The following MOCS2 variants were observed in gnomAD, a reference collection of about 807,000 sequenced individuals.
MOCS2 encodes the protein molybdenum cofactor synthesis 2.
In MOCS2, 13 loss-of-function variants were observed where a neutral mutation model predicts 21.9. The observed-to-expected ratio is 0.59, with a 90% CI of 0.39 to 0.94. The LOEUF (loss-of-function observed/expected upper bound fraction) is 0.94, where lower values mean the gene tolerates loss of function less well. Ranked by LOEUF, MOCS2 falls within the 40% of genes least tolerant of loss-of-function variation. The pLI, the probability that MOCS2 is intolerant of heterozygous loss-of-function variation, is 0.00. For synonymous variants in MOCS2, 92 were observed against 80.8 expected, an observed-to-expected ratio of 1.14 and a Z score of -0.74; for missense variants, 227 against 218.3, an observed-to-expected ratio of 1.04 and a Z score of -0.25.
Position 53,100,552 on chromosome 5 carries a change from G to C in MOCS2, c.378-18C>G. The C allele has an allele frequency of 6.2e-7, 1 of 1,600,432 alleles. No individual in the cohort carries two copies. The highest frequency in any genetic ancestry group is 8.5e-7 in the Non-Finnish European group (1 of 1,172,990). On this transcript the variant is annotated intron_variant, in intron 5 of 6. Coordinates refer to ENST00000396954, the MANE Select transcript of MOCS2 (RefSeq NM_004531.5). ...GAACCAAGCTTTAACAAGATGAAGAGAAAAAAAAATCACCATCATCTCTGA... is the reference window on the plus strand; with the variant it reads ...GAACCAAGCTTTAACAAGATGAAGACAAAAAAAAATCACCATCATCTCTGA...
intron 3 of MOCS2, among the ~76,000 whole-genome samples, chr5:53,105,991 A>C (rs1741038596): frequency 6.6e-6 from 1 of 152,196 alleles, no homozygotes. Flanking sequence ...ATCACTGATT[A>C]TTAGAGAAAT....
In MOCS2 at chr5:53,096,365, G is replaced by C. The variant is rs986753251; in HGVS notation, c.*2237C>G. 5 of 152,098 alleles carry C rather than the reference G, an allele frequency of 3.3e-5. No homozygotes were observed. Among genetic ancestry groups the C allele is most frequent in the African/African-American group, 4.8e-5 (2 of 41,424 alleles). The allele number at this position is 152,098 out of a possible 1,614,324, so 9.4% of individuals were successfully genotyped here. ...AAAAATCAATTTCATTTTACCACCTGTTCAAAAATACTTGAAACATAAATA... is the reference window on the plus strand; with the variant it reads ...AAAAATCAATTTCATTTTACCACCTCTTCAAAAATACTTGAAACATAAATA... On this transcript the variant is annotated 3_prime_UTR_variant, in exon 7 of 7. Transcript: ENST00000396954.
At chr5:53,101,727 A>T (rs778874182) in intron 4 of MOCS2, among the ~76,000 whole-genome samples, 3 of 152,226 alleles carry the variant, frequency 2.0e-5, no homozygotes, top group Non-Finnish European at 4.4e-5. Context: ...TGATTAAGCA[A>T]GCTTACTAAA....
At chr5:53,101,765 T>C (rs77923211) in intron 4 of MOCS2, among the ~76,000 whole-genome samples, 2,120 of 152,276 alleles carry the variant, frequency 0.014, 63 homozygotes, top group African/African-American at 0.049. Flanking sequence ...CCGGGCAATA[T>C]TCCTCTTCTG....
chr5:53,107,495 G>C (rs1579936638), intron 2 of MOCS2: 1 of 420,820 alleles, frequency 2.4e-6, no homozygotes, highest in African/African-American at 2.0e-5. Flanking sequence ...AAACCCACCA[G>C]ACTGGAGGCA....
intron 3 of MOCS2, among the ~76,000 whole-genome samples, chr5:53,105,738 TA>T (rs1741032296): frequency 6.6e-6 from 1 of 152,184 alleles, no homozygotes; most frequent in Admixed American, 6.5e-5. Flanking sequence ...GGGATCTAAT[TA>T]AACTAAAGAG....
At chr5:53,107,330 G>T in intron 2 of MOCS2, 109 bp from the exon 3 acceptor site, 3 of 1,029,336 alleles carry the variant, frequency 2.9e-6, no homozygotes, top group Non-Finnish European at 4.3e-6. Context: ...AGCATCACCT[G>T]CAAAATTACC....
Position 53,098,091 on chromosome 5 carries a change from GTTTA to G in MOCS2, c.*507_*510del, listed in dbSNP as rs1740795700. 1 of 152,348 alleles carries G rather than the reference GTTTA, an allele frequency of 6.6e-6. No individual in the cohort carries two copies. Among genetic ancestry groups the G allele is most frequent in the Non-Finnish European group, 1.5e-5 (1 of 68,208 alleles). 9.4% of individuals were successfully genotyped at this position (152,348 alleles called of 1,614,324 possible). Reference sequence around the variant, plus strand: ...TAAACTTTTGAAATCATGGGTTTTAGTTTATTATTTTTAATATATTTCTGAAAAT... The same window carrying G: ...TAAACTTTTGAAATCATGGGTTTTAGTTATTTTTAATATATTTCTGAAAAT... On this transcript the variant is annotated 3_prime_UTR_variant, in exon 7 of 7. Transcript: ENST00000396954.
In MOCS2 at chr5:53,109,627, G is replaced by T; in HGVS notation, c.-546C>A. The T allele has an allele frequency of 6.5e-7, 1 of 1,539,386 alleles. No homozygotes were observed. Among genetic ancestry groups the T allele is most frequent in the East Asian group, 2.5e-5 (1 of 40,408 alleles). ...TAGTGGGGAGGTCCGACTGACCAAG[G>T]CTGGGTATGTGGAGGGAAAGGGCGG... On this transcript the variant is annotated 5_prime_UTR_variant, in exon 1 of 7. Coordinates refer to ENST00000396954, the MANE Select transcript of MOCS2 (RefSeq NM_004531.5).
chr5:53,103,623 C>A (rs1304832423), intron 3 of MOCS2, among the ~76,000 whole-genome samples: 1 of 152,170 alleles, frequency 6.6e-6, no homozygotes, highest in Non-Finnish European at 1.5e-5. Context: ...TAGGGCCAGG[C>A]ACTAGATATC....
At chr5:53,102,578 T>C (rs922468743) in intron 3 of MOCS2, among the ~76,000 whole-genome samples, 12 of 140,870 alleles carry the variant, frequency 8.5e-5, no homozygotes, top group African/African-American at 3.1e-4. Context: ...TGTTGAACTA[T>C]AGGGTGGGTA....
chr5:53,109,699 C>T lies in MOCS2; in HGVS notation c.-618G>A, dbSNP rs1455009607. The T allele has an allele frequency of 3.2e-6, 5 of 1,553,160 alleles. No homozygotes were observed. Among genetic ancestry groups the T allele is most frequent in the African/African-American group, 1.4e-5 (1 of 73,060 alleles). On this transcript the variant is annotated 5_prime_UTR_variant, in exon 1 of 7. Coordinates refer to ENST00000396954, the MANE Select transcript of MOCS2 (RefSeq NM_004531.5). ...TCCGCACCCAGGCCCGCACGCACAC[C>T]CGCCACCCTTACCTGGCACAGCGGC...
At chr5:53,105,597 T>C (rs899375368) in intron 3 of MOCS2, among the ~76,000 whole-genome samples, 3 of 152,100 alleles carry the variant, frequency 2.0e-5, no homozygotes, top group African/African-American at 4.8e-5. Context: ...AAGACTTAAA[T>C]GTAAAACCAA....
intron 2 of MOCS2, 166 bp from the exon 3 acceptor site, chr5:53,107,387 G>A: frequency 1.6e-6 from 1 of 641,762 alleles, no homozygotes; most frequent in Non-Finnish European, 2.7e-6. Context: ...ATCCACTGAA[G>A]AACATACTTA....
rs1473536377 is a variant in MOCS2 at position 53,097,468 on chromosome 5, T to A, written c.*1134A>T. ...ATTTGTCCCAGACATAAGAAAAAAA[T>A]CCTTCAATCTAAGTGTCTGAAAGTA... On this transcript the variant is annotated 3_prime_UTR_variant, in exon 7 of 7. Transcript: ENST00000396954. 6.6e-6 allele frequency: 1 copy of A among 152,152 alleles called. No homozygotes were observed. The highest frequency in any genetic ancestry group is 6.5e-5 in the Admixed American group (1 of 15,274). 9.4% of individuals were successfully genotyped at this position (152,152 alleles called of 1,614,324 possible).
intron 6 of MOCS2, among the ~76,000 whole-genome samples, chr5:53,100,001 T>A (rs1032438876): frequency 4.1e-5 from 5 of 122,210 alleles, no homozygotes; most frequent in East Asian, 2.0e-4. Flanking sequence ...TATCTCACCA[T>A]TTTTTTTTCT....
chr5:53,103,918 G>A (rs1740983943), intron 3 of MOCS2, among the ~76,000 whole-genome samples: 1 of 152,250 alleles, frequency 6.6e-6, no homozygotes, highest in Non-Finnish European at 1.5e-5. Flanking sequence ...ACAAGAAAGG[G>A]TGTGATGTGC....
chr5:53,097,436 G>A lies in MOCS2; in HGVS notation c.*1166C>T, dbSNP rs1034459593. The A allele has an allele frequency of 6.6e-6, 1 of 152,132 alleles. No individual in the cohort carries two copies. The highest frequency in any genetic ancestry group is 2.4e-5 in the African/African-American group (1 of 41,432). The allele number at this position is 152,132 out of a possible 1,614,324, so 9.4% of individuals were successfully genotyped here. A position where few individuals can be genotyped will look rare whatever the true frequency, so the allele number is the denominator to read the frequency against. On this transcript the variant is annotated 3_prime_UTR_variant, in exon 7 of 7. Coordinates refer to ENST00000396954, the MANE Select transcript of MOCS2 (RefSeq NM_004531.5). Reference sequence around the variant, plus strand: ...TACATATAACAAATAGGATTACTACGTTTCTTATTTGTCCCAGACATAAGA... The same window carrying A: ...TACATATAACAAATAGGATTACTACATTTCTTATTTGTCCCAGACATAAGA...
intron 6 of MOCS2, among the ~76,000 whole-genome samples, chr5:53,099,723 A>C (rs1299862128): frequency 6.6e-6 from 1 of 152,090 alleles, no homozygotes; most frequent in Non-Finnish European, 1.5e-5. Context: ...CTTTTCATCT[A>C]CTGAGCTGTT....
Sources: gnomAD v4.1 joint callset for allele counts (sites outside exome capture counted in the v4.1 genomes callset) on GRCh38, gnomAD v4.1.1 for gene constraint, MANE v1.5 for transcripts, NCBI Gene and HGNC (gene_info 2026-07-23, HGNC 2026-07-21) for gene names.